Variants in ANK3 observed in about 807,000 individuals in gnomAD.
The protein encoded by ANK3 is ankyrin 3.
Under a neutral mutation model 370.9 loss-of-function variants are expected in ANK3, and 57 were observed. The ratio of observed to expected loss-of-function variants is 0.15; its 90% CI spans 0.12 to 0.19. The LOEUF is 0.19. ANK3 is among the 10% of genes least tolerant of loss of function. The probability of loss-of-function intolerance (pLI) is 1.00; values close to 1 mark genes in which losing one functional copy is unlikely to be tolerated. For missense variants in ANK3, 4,439 were observed against 5,302.1 expected, an observed-to-expected ratio of 0.84 and a Z score of 5.06; for synonymous variants, 1,929 against 1,946.3, an observed-to-expected ratio of 0.99 and a Z score of 0.23.
At chr10:60,391,056 G>T (rs1474053676), upstream of ANK3, among the ~76,000 whole-genome samples, 1 of 152,178 alleles carries the variant, frequency 6.6e-6, no homozygotes, top group Non-Finnish European at 1.5e-5. Context: ...TAGATTTGGG[G>T]TTCAAAGGTC....
At chr10:60,211,892 C>CA (rs72238553) in intron 9 of ANK3, among the ~76,000 whole-genome samples, 2,368 of 93,184 alleles carry the variant, frequency 0.025, 40 homozygotes, top group African/African-American at 0.069. Context: ...AATACAGAGC[C>CA]AAAAAAAAAA....
chr10:60,458,233 T>C (rs1348764729), intron 2 of ANK3, among the ~76,000 whole-genome samples: 1 of 152,132 alleles, frequency 6.6e-6, no homozygotes, highest in Admixed American at 6.6e-5. Context: ...TCTCCTTTCA[T>C]GTTCTTTCAT....
chr10:60,406,717 C>T (rs2063464203), intron 2 of ANK3, among the ~76,000 whole-genome samples: 1 of 152,208 alleles, frequency 6.6e-6, no homozygotes, highest in Non-Finnish European at 1.5e-5. Context: ...AAAGGACTGA[C>T]TTAGAGTCAA....
chr10:60,074,798 T>C lies in ANK3; in HGVS notation c.6083A>G (p.Tyr2028Cys). The C allele has an allele frequency of 6.2e-7, 1 of 1,614,112 alleles. No homozygotes were observed. Among genetic ancestry groups the C allele is most frequent in the Non-Finnish European group, 8.5e-7 (1 of 1,180,012 alleles). The change falls in exon 37 of 44, where the codon TAT becomes TGT. Residue 2028 changes from tyrosine to cysteine, a missense_variant. Tyr to Cys is a radical substitution (Grantham distance 194). This residue lies in a region of ANK3 where 679 missense variants were observed against 791.0 expected (regional missense o/e 0.86). Transcript: ENST00000280772. ...VKAKAASEKD[Y>C]NLTKVIDYLT... ...GTAATCAATAACTTTGGTCAAGTTA[T>C]AATCCTTTTCGGAGGCGGCTTTTGC...
intron 1 of ANK3, among the ~76,000 whole-genome samples, chr10:60,298,758 T>G (rs1327391290): frequency 6.6e-6 from 1 of 152,134 alleles, no homozygotes; most frequent in Admixed American, 6.5e-5. Flanking sequence ...TCCTTTTGGA[T>G]CTCAGATTTT....
intron 2 of ANK3, among the ~76,000 whole-genome samples, chr10:60,395,556 C>CTTTCTTTCTTTCTTTCTTTCT (rs1567004176): frequency 2.7e-5 from 2 of 73,138 alleles, no homozygotes; most frequent in African/African-American, 1.0e-4. Context: ...ATGCCTCTTT[C>CTTTCTTTCTTTCTTTCTTTCT]TTTCTTTCTT....
chr10:60,603,900 A>G (rs1358024395), intron 2 of ANK3, among the ~76,000 whole-genome samples: 2 of 152,182 alleles, frequency 1.3e-5, no homozygotes, highest in African/African-American at 2.4e-5. Context: ...GTCTCACTCA[A>G]TACACATCCA....
intron 1 of ANK3, among the ~76,000 whole-genome samples, chr10:60,384,592 T>C (rs1244713348): frequency 6.6e-6 from 1 of 152,182 alleles, no homozygotes; most frequent in Non-Finnish European, 1.5e-5. Flanking sequence ...GGGTGAAAAT[T>C]TGGGCAACTA....
At chr10:60,043,480 T>C (rs944111169) in intron 42 of ANK3, 2 of 985,038 alleles carry the variant, frequency 2.0e-6, no homozygotes, top group Non-Finnish European at 1.2e-6. Context: ...ACCAGAGATG[T>C]TTTCTCTGAG....
At chr10:60,173,336 G>A in intron 18 of ANK3, 150 bp from the exon 19 acceptor site, 2 of 603,692 alleles carry the variant, frequency 3.3e-6, no homozygotes, top group Non-Finnish European at 5.6e-6. Context: ...AATTGCCCTT[G>A]ATAATTCTCA....
intron 1 of ANK3, among the ~76,000 whole-genome samples, chr10:60,719,607 T>C (rs1414751103): frequency 1.3e-5 from 2 of 152,176 alleles, no homozygotes; most frequent in African/African-American, 4.8e-5. Context: ...TTTTATACAT[T>C]TATTAGCCAG....
At position 60,051,664 on chromosome 10, in the gene ANK3, C is replaced by CTTTT. The variant is rs35764181; in HGVS notation, c.13065+3990_13065+3993dup. ...AATTACACTTACTTGATGTTTTCTT[C>CTTTT]TTTTTTTTTTTTTTTTTTTGCCGAC... is the stretch of plus-strand genomic sequence containing the variant. On this transcript the variant is annotated intron_variant, in intron 42 of 43. Coordinates refer to ENST00000280772, the MANE Select transcript of ANK3 (RefSeq NM_020987.5). The CTTTT allele has an allele frequency of 7.6e-4, 115 of 151,624 alleles. 1 individual carries two copies. The highest frequency in any genetic ancestry group is 1.6e-3 in the East Asian group (7 of 4,254). 9.4% of individuals were successfully genotyped at this position (151,624 alleles called of 1,614,324 possible). A position where few individuals can be genotyped will look rare whatever the true frequency, so the allele number is the denominator to read the frequency against.
upstream of ANK3, among the ~76,000 whole-genome samples, chr10:60,392,649 C>A (rs1429723363): frequency 1.3e-5 from 2 of 152,172 alleles, no homozygotes; most frequent in Non-Finnish European, 2.9e-5. Flanking sequence ...TTAGGGTATG[C>A]CGGGCGCGGT....
At chr10:60,585,451 G>A (rs2077817841) in intron 2 of ANK3, among the ~76,000 whole-genome samples, 1 of 152,104 alleles carries the variant, frequency 6.6e-6, no homozygotes, top group African/African-American at 2.4e-5. Context: ...TGCCCCCAAA[G>A]ACCCCAGACA....
chr10:60,650,368 A>G (rs1462021487), intron 1 of ANK3, among the ~76,000 whole-genome samples: 1 of 80,086 alleles, frequency 1.2e-5, no homozygotes, highest in Non-Finnish European at 2.6e-5. Flanking sequence ...CTACTTTACA[A>G]AAAAAAAAAA....
At chr10:60,636,194 T>A (rs1481268772) in intron 1 of ANK3, among the ~76,000 whole-genome samples, 1 of 152,212 alleles carries the variant, frequency 6.6e-6, no homozygotes, top group African/African-American at 2.4e-5. Flanking sequence ...ACAAATTTAA[T>A]TTCTATATCC....
chr10:60,649,779 C>A (rs1376068723), intron 1 of ANK3, among the ~76,000 whole-genome samples: 3 of 152,156 alleles, frequency 2.0e-5, no homozygotes, highest in Non-Finnish European at 4.4e-5. Flanking sequence ...GTTAATCATT[C>A]TTGGGCTATT....
chr10:60,414,398 A>G lies in ANK3; in HGVS notation c.97-134759T>C, dbSNP rs561694295. 4.6e-4 allele frequency among the ~76,000 whole-genome samples: 70 copies of G among 152,346 alleles called. 1 individual carries two copies. Among genetic ancestry groups the G allele is most frequent in the South Asian group, 3.5e-3 (17 of 4,824 alleles). ...CAGGAATATACAAAATTTCTCAGGA[A>G]CATGCAACTTTATAACAATGAAGAT... On this transcript the variant is annotated intron_variant, in intron 2 of 43. Coordinates refer to the ANK3 transcript ENST00000373827.
chr10:60,717,235 C>T (rs1415881322), intron 1 of ANK3, among the ~76,000 whole-genome samples: 2 of 152,004 alleles, frequency 1.3e-5, no homozygotes, highest in African/African-American at 4.8e-5. Flanking sequence ...ATTGGTATAA[C>T]CTATTAGAAG....
Sources: allele counts gnomAD v4.1 joint callset (sites outside exome capture counted in the v4.1 genomes callset), GRCh38; gene constraint gnomAD v4.1.1; regional missense constraint gnomAD v4.1.1; transcripts MANE v1.5; gene names NCBI Gene and HGNC (gene_info 2026-07-23, HGNC 2026-07-21).